USP45: variants seen among roughly 807,000 people sequenced by gnomAD.
USP45 encodes the protein ubiquitin carboxyl-terminal hydrolase 45.
USP45 carries 89 observed loss-of-function variants against 95.8 expected under a neutral mutation model. The ratio of observed to expected loss-of-function variants is 0.93; its 90% CI spans 0.78 to 1.11. The LOEUF (loss-of-function observed/expected upper bound fraction) is 1.11. USP45 is among the 50% of genes least tolerant of loss of function. USP45 has a pLI of 0.00. For synonymous variants in USP45, 281 were observed against 316.2 expected (o/e 0.89, Z 1.18); for missense variants, 898 against 942.5 (o/e 0.95, Z 0.62).
In USP45 at chr6:99,473,777, A is replaced by AACACAC. The variant is rs60031754; in HGVS notation, c.933+2360_933+2365dup. 4.4e-3 allele frequency among the ~76,000 whole-genome samples: 562 copies of AACACAC among 127,720 alleles called. 14 individuals are homozygous for AACACAC. Among genetic ancestry groups the AACACAC allele is most frequent in the African/African-American group, 0.013 (432 of 32,570 alleles). 83.8% of individuals were successfully genotyped at this position (127,720 alleles called of 152,430 possible). A position where few individuals can be genotyped will look rare whatever the true frequency, so the allele number is the denominator to read the frequency against. ...CTCAAAAAAAAAACAAAAAAAACAA[A>AACACAC]ACACACACACACACACACACACACA... On this transcript the variant is annotated intron_variant, in intron 9 of 17. Transcript: ENST00000500704.
At chr6:99,459,295 G>A (rs937354418) in intron 13 of USP45, among the ~76,000 whole-genome samples, 1 of 152,068 alleles carries the variant, frequency 6.6e-6, no homozygotes, top group African/African-American at 2.4e-5. Context: ...CTCCATCCAC[G>A]TTCCTGTAAA....
At chr6:99,478,454 G>A (rs1791464905) in intron 8 of USP45, among the ~76,000 whole-genome samples, 1 of 152,054 alleles carries the variant, frequency 6.6e-6, no homozygotes. Context: ...GTATTGCCAT[G>A]AGAAAGAGGA....
chr6:99,479,055 T>G, intron 8 of USP45, among the ~76,000 whole-genome samples: 1 of 147,316 alleles, frequency 6.8e-6, no homozygotes, highest in South Asian at 2.2e-4. Context: ...AGGGATGGAG[T>G]TTAGGGGAGA....
intron 13 of USP45, chr6:99,461,637 T>A: frequency 1.0e-6 from 1 of 983,636 alleles, no homozygotes; most frequent in Non-Finnish European, 1.2e-6. Flanking sequence ...TAATTATTTT[T>A]ATCATTCTTC....
intron 13 of USP45, chr6:99,461,565 T>C (rs1417855078): frequency 1.0e-6 from 1 of 985,304 alleles, no homozygotes; most frequent in African/African-American, 1.7e-5. Flanking sequence ...TTCAAGGTAC[T>C]CAGAGATAAC....
chr6:99,483,923 A>G (rs1793112639), intron 7 of USP45, among the ~76,000 whole-genome samples: 1 of 151,098 alleles, frequency 6.6e-6, no homozygotes, highest in South Asian at 2.1e-4. Flanking sequence ...TTCATGAAAT[A>G]ACTGTTACAT....
chr6:99,450,052 G>A (rs546391620), intron 13 of USP45, among the ~76,000 whole-genome samples: 135 of 152,256 alleles, frequency 8.9e-4, no homozygotes, highest in African/African-American at 3.1e-3. Context: ...GAAATTTATA[G>A]TACTAAATGC....
intron 7 of USP45, among the ~76,000 whole-genome samples, chr6:99,486,054 C>T (rs971459619): frequency 6.6e-6 from 1 of 152,094 alleles, no homozygotes; most frequent in Non-Finnish European, 1.5e-5. Flanking sequence ...TGTTTGTTCC[C>T]CTAATTTTGG....
At chr6:99,443,304 C>G (rs147256786) in intron 15 of USP45, among the ~76,000 whole-genome samples, 2 of 152,166 alleles carry the variant, frequency 1.3e-5, no homozygotes, top group South Asian at 2.1e-4. Flanking sequence ...AGCCACAAAA[C>G]TTATTTTCTA....
At chr6:99,516,129 C>T (rs1801090770), upstream of USP45, among the ~76,000 whole-genome samples, 1 of 151,266 alleles carries the variant, frequency 6.6e-6, no homozygotes, top group South Asian at 2.1e-4. Context: ...ATCTAACATT[C>T]GTCATATATT....
At chr6:99,483,113 T>G (rs1285987542) in intron 7 of USP45, among the ~76,000 whole-genome samples, 1 of 152,190 alleles carries the variant, frequency 6.6e-6, no homozygotes, top group Non-Finnish European at 1.5e-5. Flanking sequence ...AACTATTAGA[T>G]CAAATGATAT....
chr6:99,444,400 T>C (rs1297888006), intron 14 of USP45, among the ~76,000 whole-genome samples: 1 of 152,216 alleles, frequency 6.6e-6, no homozygotes, highest in African/African-American at 2.4e-5. Flanking sequence ...CATTTCTTTA[T>C]TACTAGTGTA....
In USP45 at chr6:99,511,550, G is replaced by A. The variant is rs538767387; in HGVS notation, c.-10-1320C>T. Among the ~76,000 whole-genome samples the A allele has an allele frequency of 1.4e-3, 213 of 151,016 alleles. 3 individuals carry two copies. Among genetic ancestry groups the A allele is most frequent in the East Asian group, 5.3e-3 (27 of 5,066 alleles). ...TGCAGCCTCAACCTCCCCAGGCTCA[G>A]GTGATACGCCCACCTCAGCCTCCCA... On this transcript the variant is annotated intron_variant, in intron 1 of 17. Coordinates refer to ENST00000500704, the MANE Select transcript of USP45 (RefSeq NM_001346022.3).
intron 13 of USP45, among the ~76,000 whole-genome samples, chr6:99,458,647 CA>C (rs749981011): frequency 6.6e-5 from 10 of 152,158 alleles, no homozygotes; most frequent in Non-Finnish European, 8.8e-5. Context: ...TAACTGAAAA[CA>C]GTGATCATAA....
chr6:99,507,225 A>G (rs1798746462), intron 4 of USP45, among the ~76,000 whole-genome samples: 1 of 152,186 alleles, frequency 6.6e-6, no homozygotes, highest in Non-Finnish European at 1.5e-5. Flanking sequence ...CAAAAAGTAG[A>G]GAGATAGTTA....
chr6:99,482,799 T>G lies in USP45; in HGVS notation c.799A>C (p.Lys267Gln). Residue 267 changes from lysine to glutamine, a missense_variant, in exon 8 of 18, where the codon AAA becomes CAA. Transcript: ENST00000500704. ...LFLHSMKETE[K>Q]GPLSPKVLFN... ...AGAACTTTAGGAGAAAGTGGTCCTT[T>G]TTCAGTCTCCTTCATGCTGTGAAGA... The G allele has an allele frequency of 6.2e-7, 1 of 1,605,860 alleles. No individual in the cohort carries two copies. The highest frequency in any genetic ancestry group is 1.7e-4 in the Middle Eastern group (1 of 6,036).
At chr6:99,502,273 C>T (rs901444533) in intron 5 of USP45, among the ~76,000 whole-genome samples, 1 of 152,224 alleles carries the variant, frequency 6.6e-6, no homozygotes, top group African/African-American at 2.4e-5. Context: ...GGACCCTCCC[C>T]AGACTTTGCC....
chr6:99,461,021 A>G (rs1459734711), intron 13 of USP45: 1 of 985,258 alleles, frequency 1.0e-6, no homozygotes, highest in Non-Finnish European at 1.2e-6. Flanking sequence ...CGCAGCTAAC[A>G]GGTGGTGGGA....
intron 13 of USP45, among the ~76,000 whole-genome samples, chr6:99,463,403 C>T (rs1002914638): frequency 6.6e-6 from 1 of 152,004 alleles, no homozygotes; most frequent in Admixed American, 6.6e-5. Flanking sequence ...CTAACTAGGC[C>T]TCTAGATCTA....
Sources: allele counts gnomAD v4.1 joint callset (sites outside exome capture counted in the v4.1 genomes callset), GRCh38; gene constraint gnomAD v4.1.1; transcripts MANE v1.5; gene names NCBI Gene and HGNC (gene_info 2026-07-23, HGNC 2026-07-21).